Variants in RARB observed in about 807,000 individuals in gnomAD.
RARB encodes the protein HBV-activated protein.
A neutral mutation model predicts 51.9 loss-of-function variants in RARB; 17 were observed. The ratio of observed to expected loss-of-function variants is 0.33; its 90% CI spans 0.22 to 0.49. The LOEUF (loss-of-function observed/expected upper bound fraction) is 0.49. Among genes scored for constraint, RARB ranks in the 20% least tolerant of loss-of-function variants. RARB has a pLI of 0.99. For synonymous variants in RARB, 215 were observed against 195.4 expected, an observed-to-expected ratio of 1.10 and a Z score of -0.84; for missense variants, 369 against 550.8, an observed-to-expected ratio of 0.67 and a Z score of 3.30.
chr3:25,099,229 T>C (rs1318088168), intron 3 of RARB, among the ~76,000 whole-genome samples: 1 of 152,184 alleles, frequency 6.6e-6, no homozygotes, highest in East Asian at 1.9e-4. Context: ...TGAGGAAAAT[T>C]GGCCCCCTTC....
intron 3 of RARB, among the ~76,000 whole-genome samples, chr3:25,535,411 CTT>C (rs3074714): frequency 1.1e-4 from 15 of 138,218 alleles, no homozygotes; most frequent in Non-Finnish European, 7.9e-5. Flanking sequence ...GTCCTTATCT[CTT>C]TTTTTTTTTT....
At chr3:24,864,700 C>T (rs1438308889) in intron 2 of RARB, among the ~76,000 whole-genome samples, 1 of 141,116 alleles carries the variant, frequency 7.1e-6, no homozygotes, top group East Asian at 2.2e-4. Flanking sequence ...TGGAATATGG[C>T]CACAGCTATT....
chr3:25,546,934 A>G (rs1699642054), intron 3 of RARB, among the ~76,000 whole-genome samples: 1 of 152,178 alleles, frequency 6.6e-6, no homozygotes, highest in South Asian at 2.1e-4. Flanking sequence ...TGGCAACATA[A>G]TGTTCCTTCC....
chr3:25,263,517 T>C (rs17016078), intron 5 of RARB, among the ~76,000 whole-genome samples: 15,635 of 152,202 alleles, frequency 0.1, 993 homozygotes, highest in South Asian at 0.25. Flanking sequence ...AACTCAATAG[T>C]CTTTAGCCTC....
At chr3:25,070,539 C>A (rs199779326) in intron 3 of RARB, among the ~76,000 whole-genome samples, 17 of 16,622 alleles carry the variant, frequency 1.0e-3, no homozygotes, top group African/African-American at 2.1e-3. Flanking sequence ...AGACCCCCCA[C>A]CCATTGTTTA....
intron 4 of RARB, among the ~76,000 whole-genome samples, chr3:25,155,602 T>C (rs1182347639): frequency 6.6e-6 from 1 of 152,230 alleles, no homozygotes; most frequent in African/African-American, 2.4e-5. Flanking sequence ...GTAGGTGGAT[T>C]AAAAATATAA....
At chr3:25,204,174 A>C (rs1575217166) in intron 5 of RARB, among the ~76,000 whole-genome samples, 1 of 152,102 alleles carries the variant, frequency 6.6e-6, no homozygotes, top group East Asian at 1.9e-4. Context: ...TCATTTCATT[A>C]ATTTGATCTT....
At chr3:25,383,822 C>T (rs1472052345) in intron 5 of RARB, among the ~76,000 whole-genome samples, 4 of 150,946 alleles carry the variant, frequency 2.6e-5, no homozygotes, top group South Asian at 2.1e-4. Context: ...CCCAGCTACT[C>T]GGGAGGCTGA....
intron 3 of RARB, among the ~76,000 whole-genome samples, chr3:25,566,421 A>C (rs148924894): frequency 5.6e-4 from 85 of 152,316 alleles, no homozygotes; most frequent in African/African-American, 1.9e-3. Context: ...CTGAGGTTAC[A>C]CACTGCTCCC....
chr3:25,256,202 T>A lies in RARB; in HGVS notation c.178+81627T>A, dbSNP rs557628983. The stretch of plus-strand genomic sequence containing the variant: ...TTGTATACTCGTCATTGCACTGTTA[T>A]AGAAGCAGATGAACCAATATTCCAC... On this transcript the variant is annotated intron_variant, in intron 5 of 11. Transcript: ENST00000383772. Among the ~76,000 whole-genome samples, 59 of 152,286 alleles carry A rather than the reference T, an allele frequency of 3.9e-4. 1 individual carries two copies. In the South Asian group the frequency reaches 0.012, roughly 30 times the overall value.
chr3:25,206,594 G>C (rs1425718059), intron 5 of RARB, among the ~76,000 whole-genome samples: 1 of 151,844 alleles, frequency 6.6e-6, no homozygotes, highest in African/African-American at 2.4e-5. Flanking sequence ...ATCTTTCTAA[G>C]CTTCCCGTGT....
At chr3:25,021,762 A>G (rs1014765121) in intron 2 of RARB, among the ~76,000 whole-genome samples, 3 of 152,142 alleles carry the variant, frequency 2.0e-5, no homozygotes, top group Non-Finnish European at 4.4e-5. Flanking sequence ...CTGAGTGCCA[A>G]AGAAACAGTG....
intron 3 of RARB, among the ~76,000 whole-genome samples, chr3:25,516,303 A>C (rs1698156840): frequency 6.6e-6 from 1 of 152,204 alleles, no homozygotes; most frequent in Non-Finnish European, 1.5e-5. Context: ...AAGAATTGTT[A>C]TTGCTAAGTG....
chr3:25,011,974 A>G (rs1266398834), intron 2 of RARB, among the ~76,000 whole-genome samples: 1 of 152,136 alleles, frequency 6.6e-6, no homozygotes, highest in Non-Finnish European at 1.5e-5. Context: ...TCTGATATTA[A>G]CAGGGCAGAC....
chr3:25,110,150 C>G (rs1699576702), intron 3 of RARB, among the ~76,000 whole-genome samples: 1 of 152,174 alleles, frequency 6.6e-6, no homozygotes. Flanking sequence ...AAAAAAATCC[C>G]TACAAATGGG....
chr3:25,149,543 G>A (rs1700248416), intron 4 of RARB, among the ~76,000 whole-genome samples: 1 of 152,210 alleles, frequency 6.6e-6, no homozygotes, highest in South Asian at 2.1e-4. Context: ...TGAGGATATG[G>A]TGCAATCAAG....
intron 3 of RARB, among the ~76,000 whole-genome samples, chr3:25,534,367 TTATTATTAC>T (rs1699049991): frequency 1.3e-5 from 2 of 152,212 alleles, no homozygotes; most frequent in South Asian, 4.1e-4. Context: ...TAAATATTAA[TTATTATTAC>T]TATTATTAAT....
At chr3:25,469,338 G>T (rs1575433912) in intron 2 of RARB, among the ~76,000 whole-genome samples, 1 of 152,180 alleles carries the variant, frequency 6.6e-6, no homozygotes, top group Non-Finnish European at 1.5e-5. Flanking sequence ...TTTTTAATTG[G>T]AGTGGATAAA....
At chr3:25,031,810 C>T (rs771774734) in intron 2 of RARB, among the ~76,000 whole-genome samples, 2 of 152,200 alleles carry the variant, frequency 1.3e-5, no homozygotes, top group South Asian at 4.1e-4. Context: ...TCTTCATATA[C>T]TTATCCCAAC....
Sources: gnomAD v4.1 joint callset for allele counts (sites outside exome capture counted in the v4.1 genomes callset) on GRCh38, gnomAD v4.1.1 for gene constraint, MANE v1.5 for transcripts, NCBI Gene and HGNC (gene_info 2026-07-23, HGNC 2026-07-21) for gene names.